Variants in STK38L observed in about 807,000 individuals in gnomAD.
STK38L encodes the protein serine/threonine-protein kinase 38-like.
In STK38L, 28 loss-of-function variants were observed where a neutral mutation model predicts 59.7. The ratio of observed to expected loss-of-function variants is 0.47; its 90% CI spans 0.35 to 0.64. The LOEUF (loss-of-function observed/expected upper bound fraction) is 0.64. Among genes scored for constraint, STK38L ranks in the 30% least tolerant of loss-of-function variants. STK38L has a pLI of 0.01. For missense variants in STK38L, 314 were observed against 555.8 expected (o/e 0.56, Z 4.37); for synonymous variants, 162 against 176.8 (o/e 0.92, Z 0.66).
At chr12:27,267,212 G>A (rs928828416) in intron 1 of STK38L, among the ~76,000 whole-genome samples, 14 of 151,914 alleles carry the variant, frequency 9.2e-5, no homozygotes, top group African/African-American at 3.1e-4. Flanking sequence ...ATTTTGACTT[G>A]TGTCACATAT....
In STK38L at chr12:27,325,846, A is replaced by T. The variant is rs779541706; in HGVS notation, c.*3391A>T. Reference sequence around the variant, plus strand: ...TAATTCAGCAATTGTCTAGAAAAGTAATCATGAGGCTACTGAGTTTGGTGT... The same window carrying T: ...TAATTCAGCAATTGTCTAGAAAAGTTATCATGAGGCTACTGAGTTTGGTGT... On this transcript the variant is annotated 3_prime_UTR_variant, in exon 14 of 14. Coordinates refer to ENST00000389032, the MANE Select transcript of STK38L (RefSeq NM_015000.4). 6.6e-6 allele frequency: 1 copy of T among 152,206 alleles called. No homozygotes were observed. Among genetic ancestry groups the T allele is most frequent in the Non-Finnish European group, 1.5e-5 (1 of 68,028 alleles). 9.4% of individuals were successfully genotyped at this position (152,206 alleles called of 1,614,324 possible).
intron 1 of STK38L, among the ~76,000 whole-genome samples, chr12:27,265,866 T>C (rs78337071): frequency 6.6e-6 from 1 of 152,144 alleles, no homozygotes; most frequent in African/African-American, 2.4e-5. Context: ...AGCTACCCTA[T>C]TGATGCTGAT....
At chr12:27,305,836 C>T (rs1399609966) in intron 3 of STK38L, among the ~76,000 whole-genome samples, 3 of 152,136 alleles carry the variant, frequency 2.0e-5, no homozygotes, top group Admixed American at 2.0e-4. Context: ...AAAAGAGAGT[C>T]GTGAAATGTT....
rs2136645768 is a variant in STK38L at position 27,309,098 on chromosome 12, G to A, written c.310-16G>A. ...TAGTAGTGACTGTTTTATAATATAT[G>A]TTTTTTATCTTTTAGGTGCGGTTGG... On this transcript the variant is annotated splice_polypyrimidine_tract_variant and intron_variant, in intron 4 of 13. Coordinates refer to ENST00000389032, the MANE Select transcript of STK38L (RefSeq NM_015000.4). 1 of 1,551,896 alleles carries A rather than the reference G, an allele frequency of 6.4e-7. No homozygotes were observed. Among genetic ancestry groups the A allele is most frequent in the Non-Finnish European group, 8.7e-7 (1 of 1,149,968 alleles).
intron 6 of STK38L, among the ~76,000 whole-genome samples, chr12:27,313,896 C>G (rs1944520500): frequency 2.0e-5 from 3 of 152,038 alleles, no homozygotes; most frequent in Admixed American, 2.0e-4. Flanking sequence ...TGCACTTATT[C>G]TGATTTTTTT....
chr12:27,309,119 G>A lies in STK38L; in HGVS notation c.315G>A (p.Arg105=), dbSNP rs750566923. 4.4e-6 allele frequency: 7 copies of A among 1,585,610 alleles called. No individual in the cohort carries two copies. In the Middle Eastern group the frequency reaches 5.1e-4, roughly 115 times the overall value. Residue 105 remains arginine, a synonymous_variant, in exon 5 of 14, where the codon CGG becomes CGA. Transcript: ENST00000389032. The stretch of plus-strand genomic sequence containing the variant: ...ATATGTTTTTTATCTTTTAGGTGCG[G>A]TTGGTCCAGAAGAAAGATACAGGCC... ...VIGRGAFGEV[R]LVQKKDTGHI... is the part of the protein sequence containing the mutation.
chr12:27,309,936 T>C (rs1944416810), intron 5 of STK38L, among the ~76,000 whole-genome samples: 1 of 152,220 alleles, frequency 6.6e-6, no homozygotes, highest in African/African-American at 2.4e-5. Context: ...ATGTTTCCTG[T>C]GCCTTAATGC....
intron 1 of STK38L, among the ~76,000 whole-genome samples, chr12:27,245,256 C>T (rs1942824278): frequency 6.6e-6 from 1 of 152,090 alleles, no homozygotes; most frequent in Non-Finnish European, 1.5e-5. Context: ...AATGCAGAAC[C>T]AACACTTTTA....
Position 27,323,911 on chromosome 12 carries a change from A to T in STK38L, c.*1456A>T, listed in dbSNP as rs1202181147. On this transcript the variant is annotated 3_prime_UTR_variant, in exon 14 of 14. Coordinates refer to ENST00000389032, the MANE Select transcript of STK38L (RefSeq NM_015000.4). ...AGCAAAGAATGGCCTAATGTTTGTCATAACTGTTAATGGATGAAATTTTTT... is the reference window on the plus strand; with the variant it reads ...AGCAAAGAATGGCCTAATGTTTGTCTTAACTGTTAATGGATGAAATTTTTT... The T allele has an allele frequency of 1.3e-5, 2 of 152,154 alleles. No homozygotes were observed. The highest frequency in any genetic ancestry group is 2.9e-5 in the Non-Finnish European group (2 of 67,962). 9.4% of individuals were successfully genotyped at this position (152,154 alleles called of 1,614,324 possible).
At chr12:27,245,937 T>TACTCTTTTGAAAGGCCTTGCC (rs1565518406) in intron 1 of STK38L, 1 of 152,202 alleles carries the variant, frequency 6.6e-6, no homozygotes, top group Non-Finnish European at 1.5e-5. Context: ...GTAGTTTTTG[T>TACTCTTTTGAAAGGCCTTGCC]ACTCTTTTGA....
intron 8 of STK38L, 62 bp downstream of exon 8, chr12:27,315,179 TCTTTCC>T (rs779398983): frequency 6.3e-7 from 1 of 1,577,946 alleles, no homozygotes; most frequent in South Asian, 1.1e-5. Flanking sequence ...AACAGAAGGT[TCTTTCC>T]CTTTCCCCAC....
intron 1 of STK38L, among the ~76,000 whole-genome samples, chr12:27,287,046 G>C (rs1219231894): frequency 2.0e-5 from 3 of 150,548 alleles, no homozygotes; most frequent in Non-Finnish European, 4.4e-5. Flanking sequence ...AAAAAGCTAT[G>C]TATGAGCTTA....
At chr12:27,287,749 C>T (rs1013083272) in intron 1 of STK38L, among the ~76,000 whole-genome samples, 10 of 151,944 alleles carry the variant, frequency 6.6e-5, no homozygotes, top group Admixed American at 6.6e-5. Context: ...GAAATGAATA[C>T]TTGACTTGAT....
At chr12:27,283,772 T>C (rs1221110182) in intron 1 of STK38L, among the ~76,000 whole-genome samples, 2 of 152,232 alleles carry the variant, frequency 1.3e-5, no homozygotes, top group Admixed American at 1.3e-4. Flanking sequence ...CCCTCTGTTA[T>C]TCACTACCTA....
intron 1 of STK38L, among the ~76,000 whole-genome samples, chr12:27,271,216 A>G (rs1943415848): frequency 6.6e-6 from 1 of 152,254 alleles, no homozygotes; most frequent in African/African-American, 2.4e-5. Flanking sequence ...CTAGTTGCAC[A>G]GTTTTAGACG....
intron 1 of STK38L, among the ~76,000 whole-genome samples, chr12:27,274,072 G>T (rs1242674868): frequency 6.6e-6 from 1 of 151,988 alleles, no homozygotes. Flanking sequence ...GGCCAACATG[G>T]TGAAACCCCA....
At chr12:27,257,094 G>A (rs1943106163) in intron 1 of STK38L, among the ~76,000 whole-genome samples, 1 of 152,204 alleles carries the variant, frequency 6.6e-6, no homozygotes, top group Non-Finnish European at 1.5e-5. Context: ...TAGTTAGCAA[G>A]TGATGGAGAG....
At position 27,308,392 on chromosome 12, in the gene STK38L, C is replaced by A; in HGVS notation, c.240C>A (p.Leu80=). 6.3e-7 allele frequency: 1 copy of A among 1,598,968 alleles called. No homozygotes were observed. The highest frequency in any genetic ancestry group is 1.1e-5 in the South Asian group (1 of 89,832). Residue 80 remains leucine, a synonymous_variant, in exon 4 of 14, where the codon CTC becomes CTA. Coordinates refer to ENST00000389032, the MANE Select transcript of STK38L (RefSeq NM_015000.4). The surrounding 1 kb of genome is among the most constrained non-coding windows in gnomAD (Gnocchi z 4.5). ...GCAAAGAAACAGAGTTCTTACGGCT[C>A]AAAAGGACCAGACTTGGCTTGGATG... The part of the protein sequence containing the change: ...HARKETEFLR[L]KRTRLGLDDF...
intron 1 of STK38L, among the ~76,000 whole-genome samples, chr12:27,265,385 A>G (rs752313572): frequency 3.9e-5 from 6 of 152,160 alleles, no homozygotes; most frequent in Non-Finnish European, 7.3e-5. Context: ...AAAGGGCTGC[A>G]TTATTTTTCA....
Sources: allele counts gnomAD v4.1 joint callset (sites outside exome capture counted in the v4.1 genomes callset), GRCh38; gene constraint gnomAD v4.1.1; non-coding constraint Gnocchi (gnomAD v3.1); transcripts MANE v1.5; gene names NCBI Gene and HGNC (gene_info 2026-07-23, HGNC 2026-07-21).